The following ERG variants were observed in gnomAD, a reference collection of about 807,000 sequenced individuals.
The protein encoded by ERG is transcriptional regulator ERG.
In ERG, 9 loss-of-function variants were observed where a neutral mutation model predicts 55.3. That is an observed-to-expected ratio of 0.16 (90% CI 0.10 to 0.28). The LOEUF (loss-of-function observed/expected upper bound fraction) is 0.28. ERG is among the 10% of genes least tolerant of loss of function. ERG has a pLI of 1.00. For synonymous variants in ERG, 223 were observed against 237.3 expected (o/e 0.94, Z 0.55); for missense variants, 434 against 631.6 (o/e 0.69, Z 3.35).
At chr21:38,406,760 T>C (rs993430521) in intron 3 of ERG, among the ~76,000 whole-genome samples, 1 of 152,200 alleles carries the variant, frequency 6.6e-6, no homozygotes, top group African/African-American at 2.4e-5. Context: ...AAATGACACA[T>C]AAACATATTG....
At chr21:38,485,389 A>G (rs2059274182) in intron 1 of ERG, among the ~76,000 whole-genome samples, 2 of 152,166 alleles carry the variant, frequency 1.3e-5, no homozygotes, top group Non-Finnish European at 2.9e-5. Context: ...AATAAGTAAA[A>G]AAAGTTATAG....
At chr21:38,555,727 A>G (rs1306218215) in intron 2 of ERG, among the ~76,000 whole-genome samples, 2 of 152,242 alleles carry the variant, frequency 1.3e-5, no homozygotes, top group Non-Finnish European at 2.9e-5. Flanking sequence ...TAATAAAGTT[A>G]ATAATCAAAG....
intron 1 of ERG, among the ~76,000 whole-genome samples, chr21:38,462,332 C>A (rs988285247): frequency 6.6e-6 from 1 of 151,738 alleles, no homozygotes; most frequent in Non-Finnish European, 1.5e-5. Flanking sequence ...TTCAAAATTT[C>A]TGTTTTTGTT....
intron 1 of ERG, among the ~76,000 whole-genome samples, chr21:38,600,463 A>G (rs2060158126): frequency 6.6e-6 from 1 of 152,114 alleles, no homozygotes; most frequent in Non-Finnish European, 1.5e-5. Context: ...TGTTTGCTCC[A>G]CAGGAGAAAG....
chr21:38,403,821 C>G, intron 3 of ERG, 112 bp from the exon 4 acceptor site: 1 of 977,598 alleles, frequency 1.0e-6, no homozygotes, highest in South Asian at 1.4e-5. Context: ...CAAGCACAGC[C>G]TCCAGCCAGC....
At chr21:38,636,094 G>T (rs899263189) in intron 1 of ERG, among the ~76,000 whole-genome samples, 1 of 148,588 alleles carries the variant, frequency 6.7e-6, no homozygotes, top group African/African-American at 2.5e-5. Flanking sequence ...GTTCTCATGA[G>T]ATCTAATGAT....
intron 1 of ERG, among the ~76,000 whole-genome samples, chr21:38,622,137 C>T (rs1024158611): frequency 2.0e-5 from 3 of 152,198 alleles, no homozygotes; most frequent in Non-Finnish European, 4.4e-5. Flanking sequence ...CTGTGCAGTG[C>T]ACAACCACAC....
chr21:38,589,384 A>G (rs1167598370), upstream of ERG, among the ~76,000 whole-genome samples: 1 of 152,188 alleles, frequency 6.6e-6, no homozygotes, highest in Non-Finnish European at 1.5e-5. Context: ...ATGGCAGCAG[A>G]CGTAACTGGC....
intron 1 of ERG, among the ~76,000 whole-genome samples, chr21:38,616,873 T>C (rs1448189694): frequency 2.0e-5 from 3 of 152,228 alleles, no homozygotes; most frequent in Non-Finnish European, 2.9e-5. Flanking sequence ...GAAATTTTCT[T>C]GGAGCCAAGG....
At chr21:38,638,817 C>T (rs1179666718) in intron 1 of ERG, among the ~76,000 whole-genome samples, 1 of 152,178 alleles carries the variant, frequency 6.6e-6, no homozygotes, top group African/African-American at 2.4e-5. Context: ...CCTCCTCCCA[C>T]ATCCCCTTTC....
chr21:38,568,190 C>T (rs894122438), intron 2 of ERG, among the ~76,000 whole-genome samples: 1 of 152,034 alleles, frequency 6.6e-6, no homozygotes. Flanking sequence ...CCTTCCACTG[C>T]TATATGCACC....
At chr21:38,586,473 T>G (rs939660248), upstream of ERG, among the ~76,000 whole-genome samples, 3 of 152,088 alleles carry the variant, frequency 2.0e-5, no homozygotes, top group African/African-American at 7.2e-5. Context: ...CCAGTTCCCC[T>G]ACGCTCAACA....
Position 38,412,344 on chromosome 21 carries a change from T to A in ERG, c.389-8635A>T, listed in dbSNP as rs145937268. ...TCTGTATTGGTTTTGCTCTTTGACA[T>A]TCTAGTTCTCTTTCCTGTTAATCTT... On this transcript the variant is annotated intron_variant, in intron 3 of 9. Transcript: ENST00000288319. Among the ~76,000 whole-genome samples the A allele has an allele frequency of 1.9e-3, 296 of 152,326 alleles. 1 individual carries two copies. The highest frequency in any genetic ancestry group is 6.4e-3 in the African/African-American group (268 of 41,568).
intron 2 of ERG, among the ~76,000 whole-genome samples, chr21:38,564,583 C>T (rs2059911534): frequency 6.6e-6 from 1 of 151,646 alleles, no homozygotes. Context: ...TCTTCTCTCT[C>T]TCTCTTTTTT....
intron 2 of ERG, among the ~76,000 whole-genome samples, chr21:38,541,742 C>T (rs1329307014): frequency 6.6e-6 from 1 of 152,082 alleles, no homozygotes; most frequent in Non-Finnish European, 1.5e-5. Context: ...CAAATGAATG[C>T]ACATTATTCT....
chr21:38,470,673 C>T (rs974935650), intron 1 of ERG: 2 of 152,160 alleles, frequency 1.3e-5, no homozygotes, highest in Non-Finnish European at 2.9e-5. Flanking sequence ...GCTTCACAGG[C>T]GAAGTCCTGG....
chr21:38,556,520 C>T (rs989170098), intron 2 of ERG, among the ~76,000 whole-genome samples: 8 of 151,996 alleles, frequency 5.3e-5, no homozygotes, highest in Non-Finnish European at 1.0e-4. Context: ...AAGGGGTGGG[C>T]CAAGCCTTTC....
At chr21:38,552,190 T>A (rs12482226) in intron 2 of ERG, among the ~76,000 whole-genome samples, 71,302 of 151,734 alleles carry the variant, frequency 0.47, 17,737 homozygotes, top group Non-Finnish European at 0.57. Context: ...ATCAGTAATA[T>A]AAAGACTACC....
chr21:38,430,175 T>C (rs1482392354), intron 2 of ERG, among the ~76,000 whole-genome samples: 3 of 152,188 alleles, frequency 2.0e-5, no homozygotes, highest in Non-Finnish European at 4.4e-5. Flanking sequence ...ACAAGTGATG[T>C]TGAGTGTTTT....
Sources: allele counts gnomAD v4.1 joint callset (sites outside exome capture counted in the v4.1 genomes callset), GRCh38; gene constraint gnomAD v4.1.1; transcripts MANE v1.5; gene names NCBI Gene and HGNC (gene_info 2026-07-23, HGNC 2026-07-21).